UBE2E2: variants seen among roughly 807,000 people sequenced by gnomAD.
The protein encoded by UBE2E2 is ubiquitin conjugating enzyme E2 E2, also known as ubiquitin-conjugating enzyme E2 E2.
In UBE2E2, 6 loss-of-function variants were observed where a neutral mutation model predicts 24.7. That is an observed-to-expected ratio of 0.24 (90% CI 0.13 to 0.48). The LOEUF (loss-of-function observed/expected upper bound fraction) is 0.48. Among genes scored for constraint, UBE2E2 ranks in the 20% least tolerant of loss-of-function variants. The pLI, the probability that UBE2E2 is intolerant of heterozygous loss-of-function variation, is 0.99. For synonymous variants in UBE2E2, 104 were observed against 83.6 expected (o/e 1.24, Z -1.33); for missense variants, 169 against 245.0 (o/e 0.69, Z 2.07).
intron 3 of UBE2E2, among the ~76,000 whole-genome samples, chr3:23,492,439 A>G (rs1246130101): frequency 6.6e-6 from 1 of 152,202 alleles, no homozygotes; most frequent in Non-Finnish European, 1.5e-5. Flanking sequence ...TCTTCAGACA[A>G]GATACTCCCT....
intron 3 of UBE2E2, among the ~76,000 whole-genome samples, chr3:23,364,036 G>A (rs1696195864): frequency 6.6e-6 from 1 of 151,986 alleles, no homozygotes; most frequent in Admixed American, 6.6e-5. Flanking sequence ...ACCTACTCCT[G>A]AATGACATTT....
intron 3 of UBE2E2, among the ~76,000 whole-genome samples, chr3:23,342,567 C>A (rs1440122745): frequency 2.0e-5 from 3 of 152,122 alleles, no homozygotes. Context: ...ATAAACTATG[C>A]CCCTGGTTAT....
chr3:23,214,089 A>G (rs1331914167), intron 2 of UBE2E2, among the ~76,000 whole-genome samples: 1 of 152,200 alleles, frequency 6.6e-6, no homozygotes, highest in Non-Finnish European at 1.5e-5. Flanking sequence ...AGAGACATAC[A>G]ACCATTTTAG....
intron 3 of UBE2E2, among the ~76,000 whole-genome samples, chr3:23,272,067 C>T (rs930693179): frequency 6.6e-5 from 10 of 152,270 alleles, no homozygotes; most frequent in Middle Eastern, 3.4e-3. Flanking sequence ...GACTGGGTGC[C>T]GTGGAGCAGG....
At chr3:23,231,947 G>T (rs187907860) in intron 3 of UBE2E2, among the ~76,000 whole-genome samples, 11 of 152,318 alleles carry the variant, frequency 7.2e-5, no homozygotes, top group Non-Finnish European at 1.3e-4. Context: ...ACCTGGATGA[G>T]TTCTTGTTCA....
intron 3 of UBE2E2, among the ~76,000 whole-genome samples, chr3:23,217,978 GT>G (rs1438821853): frequency 6.6e-6 from 1 of 152,094 alleles, no homozygotes; most frequent in Non-Finnish European, 1.5e-5. Context: ...TGGTGCAGTA[GT>G]TAGAAGATGG....
chr3:23,536,984 G>C (rs1695280293), intron 5 of UBE2E2, among the ~76,000 whole-genome samples: 1 of 152,106 alleles, frequency 6.6e-6, no homozygotes, highest in South Asian at 2.1e-4. Context: ...TTTTACCATA[G>C]GCTGATTGAT....
chr3:23,485,200 C>T (rs1178617824), intron 3 of UBE2E2, among the ~76,000 whole-genome samples: 1 of 151,262 alleles, frequency 6.6e-6, no homozygotes, highest in Non-Finnish European at 1.5e-5. Context: ...GTTCAAACCT[C>T]CCAAGTAATC....
At chr3:23,439,276 A>G (rs968347319) in intron 3 of UBE2E2, among the ~76,000 whole-genome samples, 1 of 152,202 alleles carries the variant, frequency 6.6e-6, no homozygotes, top group Non-Finnish European at 1.5e-5. Context: ...AAACTGTGTG[A>G]CTGCTTTCCT....
In UBE2E2 at chr3:23,515,164, TAGAG is replaced by T. The variant is rs552410806; in HGVS notation, c.360+15432_360+15435del. ...GTGTGTGTGTGTGTGTACATATATA[TAGAG>T]AGAGAGATACATACATATGTATAGA... On this transcript the variant is annotated intron_variant, in intron 4 of 5. Transcript: ENST00000396703. Among the ~76,000 whole-genome samples the T allele has an allele frequency of 2.7e-3, 405 of 151,230 alleles. 2 individuals carry two copies. The highest frequency in any genetic ancestry group is 8.8e-3 in the African/African-American group (362 of 41,190).
intron 5 of UBE2E2, among the ~76,000 whole-genome samples, chr3:23,550,528 T>TA (rs1695618757): frequency 6.6e-6 from 1 of 152,194 alleles, no homozygotes; most frequent in African/African-American, 2.4e-5. Context: ...AGAGTTTTGT[T>TA]ATCGCAAACT....
chr3:23,526,942 C>T (rs561024355), intron 4 of UBE2E2, among the ~76,000 whole-genome samples: 69 of 152,144 alleles, frequency 4.5e-4, no homozygotes, highest in African/African-American at 1.6e-3. Context: ...TTGGTTTTAA[C>T]GAAATGTCTC....
At chr3:23,482,385 A>C (rs1699276245) in intron 3 of UBE2E2, among the ~76,000 whole-genome samples, 1 of 152,138 alleles carries the variant, frequency 6.6e-6, no homozygotes, top group East Asian at 1.9e-4. Flanking sequence ...ATCTCTTTCC[A>C]CCAGGATATT....
intron 3 of UBE2E2, among the ~76,000 whole-genome samples, chr3:23,458,002 G>A (rs890540031): frequency 6.6e-6 from 1 of 152,124 alleles, no homozygotes; most frequent in East Asian, 1.9e-4. Flanking sequence ...GTTCACTGAA[G>A]TAGCACTTTT....
chr3:23,490,513 T>G (rs1283115900), intron 3 of UBE2E2, among the ~76,000 whole-genome samples: 4 of 152,232 alleles, frequency 2.6e-5, no homozygotes, highest in African/African-American at 9.6e-5. Context: ...TCTCTTAAAA[T>G]TTTAAGTCTG....
intron 3 of UBE2E2, among the ~76,000 whole-genome samples, chr3:23,322,462 G>A (rs1168298615): frequency 6.6e-6 from 1 of 152,128 alleles, no homozygotes; most frequent in Non-Finnish European, 1.5e-5. Flanking sequence ...GAATCCCCAT[G>A]TGACTTGATT....
intron 4 of UBE2E2, among the ~76,000 whole-genome samples, chr3:23,516,429 A>G (rs1402216626): frequency 6.6e-6 from 1 of 152,170 alleles, no homozygotes; most frequent in Non-Finnish European, 1.5e-5. Context: ...TAGAGAAGAA[A>G]AGCCTAATAA....
chr3:23,266,854 C>G (rs951393181), intron 3 of UBE2E2, among the ~76,000 whole-genome samples: 3 of 152,184 alleles, frequency 2.0e-5, no homozygotes, highest in African/African-American at 7.2e-5. Context: ...AACAAACTGT[C>G]TCTCAGACCA....
intron 3 of UBE2E2, among the ~76,000 whole-genome samples, chr3:23,439,572 T>C (rs1698254768): frequency 6.6e-6 from 1 of 152,196 alleles, no homozygotes; most frequent in Non-Finnish European, 1.5e-5. Context: ...AGAGAGAACG[T>C]TGAGAGGTCT....
Sources: allele counts gnomAD v4.1 joint callset (sites outside exome capture counted in the v4.1 genomes callset), GRCh38; gene constraint gnomAD v4.1.1; transcripts MANE v1.5; gene names NCBI Gene and HGNC (gene_info 2026-07-23, HGNC 2026-07-21).